SCRG1: variants seen among roughly 807,000 people sequenced by gnomAD.
SCRG1 encodes the protein stimulator of chondrogenesis 1.
A neutral mutation model predicts 7.7 loss-of-function variants in SCRG1; 3 were observed. The observed-to-expected ratio is 0.39, with a 90% CI of 0.18 to 1.01. SCRG1 has a LOEUF of 1.01. Ranked by LOEUF, SCRG1 falls within the 50% of genes least tolerant of loss-of-function variation. The pLI is 0.36. For missense variants in SCRG1, 110 were observed against 117.2 expected (o/e 0.94, Z 0.28); for synonymous variants, 46 against 41.2 (o/e 1.12, Z -0.44).
chr4:173,465,644 T>A, the SCRG1 span, among the ~76,000 whole-genome samples: 2 of 151,064 alleles, frequency 1.3e-5, no homozygotes, highest in African/African-American at 4.9e-5. Context: ...ATATATATAT[T>A]TTTTGTATAT....
chr4:173,486,017 C>T, the SCRG1 span, among the ~76,000 whole-genome samples: 5 of 152,134 alleles, frequency 3.3e-5, no homozygotes, highest in African/African-American at 4.8e-5. Flanking sequence ...CTACTCTCTT[C>T]ATAAACTATG....
the SCRG1 span, among the ~76,000 whole-genome samples, chr4:173,497,688 T>G: frequency 1.0e-5 from 1 of 99,700 alleles, no homozygotes; most frequent in African/African-American, 3.0e-5. Flanking sequence ...TTTTTTTTTT[T>G]GAGACGGAGT....
chr4:173,485,859 A>G, the SCRG1 span, among the ~76,000 whole-genome samples: 1 of 151,900 alleles, frequency 6.6e-6, no homozygotes, highest in South Asian at 2.1e-4. Context: ...AATCCCAGCT[A>G]CTCGCGAGGC....
the SCRG1 span, among the ~76,000 whole-genome samples, chr4:173,414,122 A>C: frequency 6.6e-6 from 1 of 152,158 alleles, no homozygotes; most frequent in African/African-American, 2.4e-5. Flanking sequence ...TCACCCAGCA[A>C]CACAGACAAA....
the SCRG1 span, among the ~76,000 whole-genome samples, chr4:173,422,341 TGTTATA>T: frequency 2.3e-3 from 346 of 152,298 alleles, no homozygotes; most frequent in Non-Finnish European, 3.7e-3. Context: ...CTTCACATGG[TGTTATA>T]GTTATAATCA....
chr4:173,430,166 G>A, the SCRG1 span, among the ~76,000 whole-genome samples: 5 of 152,134 alleles, frequency 3.3e-5, no homozygotes, highest in Non-Finnish European at 7.4e-5. Flanking sequence ...AACTGAAAAT[G>A]TTTATCTTCT....
the SCRG1 span, among the ~76,000 whole-genome samples, chr4:173,445,271 C>T: frequency 2.6e-4 from 40 of 152,196 alleles, no homozygotes; most frequent in South Asian, 6.0e-3. Flanking sequence ...CATTGTTTTA[C>T]CACAGAAAAT....
chr4:173,429,919 T>C, the SCRG1 span, among the ~76,000 whole-genome samples: 1 of 152,104 alleles, frequency 6.6e-6, no homozygotes, highest in Admixed American at 6.5e-5. Flanking sequence ...TTAGATAAGC[T>C]AAAATATAAT....
chr4:173,452,194 C>G, the SCRG1 span, among the ~76,000 whole-genome samples: 1 of 151,468 alleles, frequency 6.6e-6, no homozygotes, highest in South Asian at 2.1e-4. Context: ...TGAGATTGCA[C>G]CACTGCACTC....
intron 1 of SCRG1, among the ~76,000 whole-genome samples, chr4:173,396,877 A>G (rs1417399210): frequency 6.6e-6 from 1 of 151,596 alleles, no homozygotes; most frequent in African/African-American, 2.4e-5. Context: ...ACATGGTGAA[A>G]CCCCATCTCT....
the SCRG1 span, among the ~76,000 whole-genome samples, chr4:173,451,231 G>T: frequency 1.3e-5 from 2 of 149,584 alleles, no homozygotes; most frequent in Non-Finnish European, 3.0e-5. Flanking sequence ...AGAGGAAAAG[G>T]AATAAGGGTA....
chr4:173,497,650 C>CAA, the SCRG1 span, among the ~76,000 whole-genome samples: 64,449 of 103,358 alleles, frequency 0.62, 21,954 homozygotes, highest in Non-Finnish European at 0.78. Context: ...AGCAAGCAAG[C>CAA]AAAAAAAAAA....
At chr4:173,487,984 C>G in the SCRG1 span, among the ~76,000 whole-genome samples, 2 of 151,860 alleles carry the variant, frequency 1.3e-5, no homozygotes, top group Admixed American at 6.6e-5. Flanking sequence ...ACCTGTGGTC[C>G]CAGCTACTTG....
the SCRG1 span, among the ~76,000 whole-genome samples, chr4:173,480,784 T>C: frequency 1.3e-5 from 2 of 152,074 alleles, no homozygotes; most frequent in African/African-American, 4.8e-5. Flanking sequence ...AAATGTATGC[T>C]GAAGTACTGG....
chr4:173,393,203 A>G (rs115910795), intron 1 of SCRG1, among the ~76,000 whole-genome samples: 1,897 of 152,260 alleles, frequency 0.012, 24 homozygotes, highest in Middle Eastern at 0.024. Context: ...ATGGATTTTT[A>G]AATAAATACA....
At chr4:173,445,190 T>C in the SCRG1 span, among the ~76,000 whole-genome samples, 1 of 152,220 alleles carries the variant, frequency 6.6e-6, no homozygotes, top group Non-Finnish European at 1.5e-5. Flanking sequence ...TATAATTAGC[T>C]ACTCCAAACT....
At chr4:173,457,164 C>T in the SCRG1 span, among the ~76,000 whole-genome samples, 12 of 152,226 alleles carry the variant, frequency 7.9e-5, no homozygotes, top group African/African-American at 2.9e-4. Flanking sequence ...CTTAACAAAA[C>T]ATCTGCAGAG....
the SCRG1 span, among the ~76,000 whole-genome samples, chr4:173,503,837 A>G: frequency 6.6e-6 from 1 of 152,168 alleles, no homozygotes; most frequent in African/African-American, 2.4e-5. The surrounding 1 kb of genome is among the most constrained non-coding windows in gnomAD (Gnocchi z 6.4). Flanking sequence ...CAAACTCCCA[A>G]CAGCTTTTAG....
chr4:173,494,160 G>A, the SCRG1 span, among the ~76,000 whole-genome samples: 1 of 152,104 alleles, frequency 6.6e-6, no homozygotes. Context: ...ACATGACCCT[G>A]CACCCACAGG....
Sources: allele counts gnomAD v4.1 joint callset (sites outside exome capture counted in the v4.1 genomes callset), GRCh38; gene constraint gnomAD v4.1.1; non-coding constraint Gnocchi (gnomAD v3.1); transcripts MANE v1.5; gene names NCBI Gene and HGNC (gene_info 2026-07-23, HGNC 2026-07-21).